Variants in FIG4 observed in about 807,000 individuals in gnomAD.
FIG4 encodes FIG4 phosphoinositide 5-phosphatase.
A neutral mutation model predicts 118.6 loss-of-function variants in FIG4; 112 were observed. That is an observed-to-expected ratio of 0.94 (90% CI 0.81 to 1.11). The LOEUF is 1.11. Among genes scored for constraint, FIG4 ranks in the 50% least tolerant of loss-of-function variants. The pLI is 0.00. For missense variants in FIG4, 969 were observed against 1,111.7 expected, an observed-to-expected ratio of 0.87 and a Z score of 1.83; for synonymous variants, 369 against 381.2, an observed-to-expected ratio of 0.97 and a Z score of 0.37.
intron 7 of FIG4, 48 bp downstream of exon 7, chr6:109,738,501 T>C (rs762284168): frequency 6.5e-7 from 1 of 1,526,864 alleles, no homozygotes; most frequent in Non-Finnish European, 9.1e-7. Context: ...AAACTTATGA[T>C]GTATCAATTT....
At chr6:109,755,830 C>T (rs936903808) in intron 10 of FIG4, among the ~76,000 whole-genome samples, 1 of 152,168 alleles carries the variant, frequency 6.6e-6, no homozygotes, top group African/African-American at 2.4e-5. Flanking sequence ...CTATGTGTGT[C>T]TCTGCACATG....
rs546319965 is a variant in FIG4, at chr6:109,820,683, G to A, written c.2547-4405G>A. ...ACACTTTTAAAAATAGAGCCTGGTC[G>A]GTTCTGGAAGAAGGCAGCAGCAGCA... On this transcript the variant is annotated intron_variant, in intron 22 of 22. Transcript: ENST00000230124. 5.3e-5 allele frequency among the ~76,000 whole-genome samples: 8 copies of A among 152,186 alleles called. No individual in the cohort carries two copies. The South Asian group carries it at 1.5e-3, about 28-fold the overall frequency.
chr6:109,795,944 A>C (rs1778275611), intron 21 of FIG4, among the ~76,000 whole-genome samples: 1 of 152,188 alleles, frequency 6.6e-6, no homozygotes, highest in Non-Finnish European at 1.5e-5. Context: ...TCCCATGGGC[A>C]AATTAGAACA....
chr6:109,818,648 C>T (rs1158108096), intron 22 of FIG4, among the ~76,000 whole-genome samples: 1 of 152,138 alleles, frequency 6.6e-6, no homozygotes, highest in East Asian at 1.9e-4. Flanking sequence ...TTGGTGCTAT[C>T]TGCAGTTTCC....
intron 7 of FIG4, among the ~76,000 whole-genome samples, chr6:109,739,557 GCTT>G (rs1776261972): frequency 6.6e-6 from 1 of 151,956 alleles, no homozygotes; most frequent in South Asian, 2.1e-4. Flanking sequence ...AGAAACTTTT[GCTT>G]CTTCATTTTC....
chr6:109,738,351 T>C lies in FIG4; in HGVS notation c.673T>C (p.Tyr225His), dbSNP rs1381423315. 1 of 1,608,856 alleles carries C rather than the reference T, an allele frequency of 6.2e-7. No individual in the cohort carries two copies. Among genetic ancestry groups the C allele is most frequent in the African/African-American group, 1.3e-5 (1 of 74,800 alleles). Reference sequence around the variant, plus strand: ...GGTATTTGGGATCTGTAGTGAGCCTTATATGAAATATGTATGGAATGGTGA... The same window carrying C: ...GGTATTTGGGATCTGTAGTGAGCCTCATATGAAATATGTATGGAATGGTGA... Reference protein sequence around the residue: ...SGVFGICSEPYMKYVWNGELL... With the variant: ...SGVFGICSEPHMKYVWNGELL... The change falls in exon 7 of 23, where the codon TAT becomes CAT. Residue 225 changes from tyrosine (Y) to histidine (H), a missense_variant. By Grantham distance (83) the Tyr-to-His change is moderately conservative. Transcript: ENST00000230124.
chr6:109,795,094 A>ATTTTTTTTTTTTTTTT (rs1562688787), intron 21 of FIG4, among the ~76,000 whole-genome samples: 1 of 77,190 alleles, frequency 1.3e-5, no homozygotes, highest in African/African-American at 3.9e-5. Flanking sequence ...TACACTTGCC[A>ATTTTTTTTTTTTTTTT]GTTTTTTTTT....
chr6:109,706,451 C>T (rs553192152), intron 1 of FIG4, among the ~76,000 whole-genome samples: 1 of 152,300 alleles, frequency 6.6e-6, no homozygotes, highest in Admixed American at 6.5e-5. Context: ...GCATGCTATT[C>T]ATGATTGTCA....
chr6:109,742,414 A>C (rs1180860116), intron 8 of FIG4, among the ~76,000 whole-genome samples: 1 of 152,114 alleles, frequency 6.6e-6, no homozygotes, highest in Non-Finnish European at 1.5e-5. Flanking sequence ...TGTTTGCAAT[A>C]GACAACTTGA....
intron 22 of FIG4, among the ~76,000 whole-genome samples, chr6:109,800,876 C>A (rs889231871): frequency 2.0e-5 from 3 of 152,100 alleles, no homozygotes; most frequent in East Asian, 3.9e-4. Context: ...AGCATTTTTT[C>A]CCCTTTAGTC....
chr6:109,793,542 A>G (rs1778196630), intron 21 of FIG4, among the ~76,000 whole-genome samples: 1 of 152,240 alleles, frequency 6.6e-6, no homozygotes, highest in Admixed American at 6.5e-5. Flanking sequence ...GAACCTGATG[A>G]GAACATTGCA....
chr6:109,797,048 C>T (rs1354628951), intron 22 of FIG4, among the ~76,000 whole-genome samples, 197 bp downstream of exon 22: 1 of 152,098 alleles, frequency 6.6e-6, no homozygotes, highest in Non-Finnish European at 1.5e-5. Flanking sequence ...CCTAATGGTC[C>T]TGAAATGCAT....
intron 3 of FIG4, among the ~76,000 whole-genome samples, chr6:109,717,142 A>G (rs1046527058): frequency 1.3e-5 from 2 of 152,220 alleles, no homozygotes; most frequent in Non-Finnish European, 2.9e-5. Flanking sequence ...AGTCACTGTG[A>G]CACAGAGAAG....
chr6:109,788,413 A>G (rs550067233), intron 18 of FIG4, among the ~76,000 whole-genome samples: 2 of 152,222 alleles, frequency 1.3e-5, no homozygotes, highest in Non-Finnish European at 2.9e-5. Context: ...GGCACCAAAA[A>G]TGTGAAAAAC....
chr6:109,780,151 G>C (rs892498964), intron 16 of FIG4, among the ~76,000 whole-genome samples: 5 of 152,172 alleles, frequency 3.3e-5, no homozygotes, highest in Admixed American at 1.3e-4. Flanking sequence ...AGCTTTCTCT[G>C]AGAATCAGAT....
At chr6:109,824,645 CAACTATGTGAGGT>C (rs1779105608) in intron 22 of FIG4, among the ~76,000 whole-genome samples, 1 of 152,188 alleles carries the variant, frequency 6.6e-6, no homozygotes, top group Non-Finnish European at 1.5e-5. Flanking sequence ...TTCCTGTTTA[CAACTATGTGAGGT>C]AGGCATTCTT....
intron 12 of FIG4, among the ~76,000 whole-genome samples, chr6:109,763,004 G>A (rs1427266105): frequency 6.6e-6 from 1 of 152,208 alleles, no homozygotes; most frequent in African/African-American, 2.4e-5. Context: ...CTCCTCAGTG[G>A]AGTTGCATAG....
chr6:109,731,312 A>G (rs4947015), intron 4 of FIG4, among the ~76,000 whole-genome samples: 14,455 of 152,252 alleles, frequency 0.095, 967 homozygotes, highest in East Asian at 0.25. Context: ...CGTTATCTAT[A>G]GTGCACAGTG....
Position 109,763,994 on chromosome 6 carries a change from AT to A in FIG4, c.1434+14del. ...CTGGTCGCCTGCAGGTATACACAGT[AT>A]TACAATTCGTAATGAATAGAATCTG... On this transcript the variant is annotated intron_variant, in intron 13 of 22. Transcript: ENST00000230124. 1 of 1,563,604 alleles carries A rather than the reference AT, an allele frequency of 6.4e-7. No homozygotes were observed. Among genetic ancestry groups the A allele is most frequent in the Non-Finnish European group, 8.8e-7 (1 of 1,133,856 alleles).
Sources: allele counts gnomAD v4.1 joint callset (sites outside exome capture counted in the v4.1 genomes callset), GRCh38; gene constraint gnomAD v4.1.1; transcripts MANE v1.5; gene names NCBI Gene and HGNC (gene_info 2026-07-23, HGNC 2026-07-21).